Variants in RBPMS observed in about 807,000 individuals in gnomAD.
The protein encoded by RBPMS is RNA-binding protein with multiple splicing.
A neutral mutation model predicts 26.8 loss-of-function variants in RBPMS; 7 were observed. The observed-to-expected ratio is 0.26, with a 90% CI of 0.15 to 0.49. RBPMS has a LOEUF of 0.49. RBPMS is among the 20% of genes least tolerant of loss of function. The pLI, the probability that RBPMS is intolerant of heterozygous loss-of-function variation, is 0.98. For synonymous variants in RBPMS, 96 were observed against 93.3 expected (o/e 1.03, Z -0.17); for missense variants, 186 against 250.0 (o/e 0.74, Z 1.73).
intron 4 of RBPMS, 79 bp downstream of exon 4, chr8:30,479,456 C>A: frequency 9.6e-7 from 1 of 1,043,018 alleles, no homozygotes; most frequent in Non-Finnish European, 1.5e-6. Flanking sequence ...GACGGGAAAT[C>A]AAGTGGAAAG....
At chr8:30,476,329 T>C (rs1164377474) in intron 2 of RBPMS, among the ~76,000 whole-genome samples, 1 of 152,228 alleles carries the variant, frequency 6.6e-6, no homozygotes, top group African/African-American at 2.4e-5. Context: ...GCTTTTCTGT[T>C]TGTGACTTGA....
chr8:30,550,852 C>T (rs140032387), intron 6 of RBPMS, among the ~76,000 whole-genome samples: 311 of 152,340 alleles, frequency 2.0e-3, no homozygotes, highest in Middle Eastern at 6.8e-3. Context: ...ATCCCAGCGA[C>T]GGAATGGCCC....
At chr8:30,447,687 A>G (rs1211297592) in intron 1 of RBPMS, among the ~76,000 whole-genome samples, 1 of 152,236 alleles carries the variant, frequency 6.6e-6, no homozygotes, top group Non-Finnish European at 1.5e-5. Context: ...AAGGGGAGAA[A>G]GTAAACGTCT....
chr8:30,462,209 T>A (rs1282177663), intron 1 of RBPMS, among the ~76,000 whole-genome samples: 1 of 152,202 alleles, frequency 6.6e-6, no homozygotes, highest in Non-Finnish European at 1.5e-5. Flanking sequence ...TGGTTGTACC[T>A]TTTTGCATTC....
At chr8:30,513,946 G>C (rs1563396494) in intron 5 of RBPMS, among the ~76,000 whole-genome samples, 1 of 152,138 alleles carries the variant, frequency 6.6e-6, no homozygotes, top group Non-Finnish European at 1.5e-5. Context: ...CCCCTGGTTG[G>C]TCTCTGAGAT....
At chr8:30,544,789 C>G (rs140459136) in intron 6 of RBPMS, 165 bp downstream of exon 6, 1 of 1,578,878 alleles carries the variant, frequency 6.3e-7, no homozygotes, top group Non-Finnish European at 8.6e-7. Context: ...TCAGGACTGA[C>G]GAGGATCGTC....
chr8:30,472,275 T>G (rs1000845900), intron 1 of RBPMS, among the ~76,000 whole-genome samples: 1 of 152,186 alleles, frequency 6.6e-6, no homozygotes, highest in African/African-American at 2.4e-5. Flanking sequence ...AAAGTAAATT[T>G]CACTTCATGC....
At chr8:30,517,963 T>G (rs1822529572) in intron 5 of RBPMS, among the ~76,000 whole-genome samples, 1 of 152,166 alleles carries the variant, frequency 6.6e-6, no homozygotes, top group Non-Finnish European at 1.5e-5. Context: ...CCAGTGCAGC[T>G]GAAGAGATGC....
intron 1 of RBPMS, among the ~76,000 whole-genome samples, chr8:30,432,894 C>T (rs1223131359): frequency 2.6e-5 from 4 of 152,188 alleles, no homozygotes; most frequent in South Asian, 4.1e-4. Context: ...AGATCCTTTT[C>T]GCTTAAACAT....
intron 6 of RBPMS, among the ~76,000 whole-genome samples, chr8:30,549,738 C>CTT (rs2151062636): frequency 2.0e-5 from 2 of 100,900 alleles, no homozygotes; most frequent in African/African-American, 7.7e-5. Flanking sequence ...TTCTTTCTTT[C>CTT]TTTCTTTCTT....
intron 5 of RBPMS, among the ~76,000 whole-genome samples, chr8:30,513,387 A>G (rs906576723): frequency 3.3e-5 from 5 of 152,042 alleles, no homozygotes; most frequent in Admixed American, 6.6e-5. Context: ...CAGGAGATTG[A>G]GACCATCCTG....
chr8:30,385,648 G>A (rs1437825926), intron 1 of RBPMS, among the ~76,000 whole-genome samples: 3 of 152,072 alleles, frequency 2.0e-5, no homozygotes, highest in Admixed American at 6.6e-5. Context: ...TTCTAGCCGA[G>A]GTTTTTTGGA....
At chr8:30,484,094 T>C (rs1404107294) in intron 4 of RBPMS, among the ~76,000 whole-genome samples, 2 of 152,238 alleles carry the variant, frequency 1.3e-5, no homozygotes, top group Non-Finnish European at 2.9e-5. Context: ...CCTTTGGGTA[T>C]ACCTAGGAGT....
At chr8:30,446,822 T>A (rs1813855074) in intron 1 of RBPMS, 1 of 97,466 alleles carries the variant, frequency 1.0e-5, no homozygotes, top group African/African-American at 5.3e-5. Flanking sequence ...TGTGTGTGTG[T>A]GTGTGTGTGT....
chr8:30,413,796 A>G (rs1809731618), intron 1 of RBPMS, among the ~76,000 whole-genome samples: 1 of 152,066 alleles, frequency 6.6e-6, no homozygotes, highest in African/African-American at 2.4e-5. Flanking sequence ...TATTTTTAGT[A>G]GAGACTGGGT....
At chr8:30,387,207 C>G (rs1259673491) in intron 1 of RBPMS, 3 of 152,092 alleles carry the variant, frequency 2.0e-5, no homozygotes, top group African/African-American at 4.8e-5. Flanking sequence ...AGGAAGATTT[C>G]AGAACCCAAG....
intron 1 of RBPMS, among the ~76,000 whole-genome samples, chr8:30,428,175 C>T (rs1811563336): frequency 6.6e-6 from 1 of 151,958 alleles, no homozygotes; most frequent in African/African-American, 2.4e-5. Context: ...AGGTGCACAC[C>T]ACCACGCCCA....
At chr8:30,533,675 A>C (rs895226889) in intron 5 of RBPMS, among the ~76,000 whole-genome samples, 3 of 152,214 alleles carry the variant, frequency 2.0e-5, no homozygotes, top group African/African-American at 7.2e-5. Context: ...GTGGTGCCTG[A>C]TAAATCTGGT....
rs114554727 is a variant in RBPMS at position 30,392,392 on chromosome 8, A to T, written c.66+7234A>T. On this transcript the variant is annotated intron_variant, in intron 1 of 8. Transcript: ENST00000397323. ...CCTTTTGGGGAAGAGCAAGCAAGGC[A>T]TGGCAGGAGAGAAGAAGGGGAAGGA... Among the ~76,000 whole-genome samples the T allele has an allele frequency of 9.1e-3, 1,389 of 152,184 alleles. 28 individuals carry two copies. The highest frequency in any genetic ancestry group is 0.032 in the African/African-American group (1,341 of 41,506).
Sources: gnomAD v4.1 joint callset for allele counts (sites outside exome capture counted in the v4.1 genomes callset) on GRCh38, gnomAD v4.1.1 for gene constraint, MANE v1.5 for transcripts, NCBI Gene and HGNC (gene_info 2026-07-23, HGNC 2026-07-21) for gene names.